The following VASH1 variants were observed in gnomAD, a reference collection of about 807,000 sequenced individuals.
VASH1 encodes tubulinyl-Tyr carboxypeptidase 1.
VASH1 carries 16 observed loss-of-function variants against 35.0 expected under a neutral mutation model. The ratio of observed to expected loss-of-function variants is 0.46; its 90% CI spans 0.31 to 0.70. The LOEUF (loss-of-function observed/expected upper bound fraction) is 0.70, where lower values mean the gene tolerates loss of function less well. Among genes scored for constraint, VASH1 ranks in the 30% least tolerant of loss-of-function variants. The pLI is 0.05. For missense variants in VASH1, 505 were observed against 510.7 expected (o/e 0.99, Z 0.11); for synonymous variants, 214 against 200.9 (o/e 1.07, Z -0.55).
In VASH1 at chr14:76,769,986, G is replaced by T. The variant is rs781450142; in HGVS notation, c.333G>T (p.Thr111=). 3.7e-6 allele frequency: 6 copies of T among 1,613,948 alleles called. No homozygotes were observed. The Admixed American group carries it at 1.0e-4, about 27-fold the overall frequency. The change falls in exon 2 of 7, where the codon ACG becomes ACT. Residue 111 remains threonine, a synonymous_variant. Coordinates refer to ENST00000167106, the MANE Select transcript of VASH1 (RefSeq NM_014909.5). ...AGATCCCCATACCGAGTGTGCCTAC[G>T]TTCCAGCCGTCTACACCTGTCCCTG... is the stretch of plus-strand genomic sequence containing the variant. The part of the protein sequence containing the change: ...LPKIPIPSVP[T]FQPSTPVPER...
chr14:76,773,528 AC>A, intron 4 of VASH1: 1 of 429,804 alleles, frequency 2.3e-6, no homozygotes. Context: ...AGACAGTTGT[AC>A]CATTTCCAAG....
intron 1 of VASH1, chr14:76,769,577 C>A: frequency 1.0e-6 from 1 of 993,438 alleles, no homozygotes; most frequent in South Asian, 1.5e-5. Flanking sequence ...TGATCCGGCG[C>A]TTGAACCAGA....
chr14:76,763,204 ACT>A (rs1893552385), intron 1 of VASH1, 74 bp downstream of exon 1: 1 of 1,313,094 alleles, frequency 7.6e-7, no homozygotes, highest in Non-Finnish European at 9.8e-7. Flanking sequence ...GTGAAGCCAC[ACT>A]CTCCTCCCAC....
In VASH1 at chr14:76,763,013, G is replaced by T. The variant is rs758598707; in HGVS notation, c.192G>T (p.Arg64=). ...RDGGVPFFVN[R]GGLPVDEATW... Reference sequence around the variant, plus strand: ...GAGGCGTCCCCTTCTTTGTCAACCGGGGTGGGCTACCTGTGGATGAGGCCA... The same window carrying T: ...GAGGCGTCCCCTTCTTTGTCAACCGTGGTGGGCTACCTGTGGATGAGGCCA... Residue 64 remains arginine (R), a synonymous_variant, in exon 1 of 7, where the codon CGG becomes CGT. Coordinates refer to ENST00000167106, the MANE Select transcript of VASH1 (RefSeq NM_014909.5). 15 of 1,549,190 alleles carry T rather than the reference G, an allele frequency of 9.7e-6. No homozygotes were observed. In the East Asian group the frequency reaches 3.2e-4, roughly 33 times the overall value.
chr14:76,778,944 A>G lies in VASH1; in HGVS notation c.1026-2A>G. 6.2e-7 allele frequency: 1 copy of G among 1,614,018 alleles called. No individual in the cohort carries two copies. The highest frequency in any genetic ancestry group is 8.5e-7 in the Non-Finnish European group (1 of 1,179,920). On this transcript the variant is annotated splice_acceptor_variant, in intron 6 of 6. Coordinates refer to ENST00000167106, the MANE Select transcript of VASH1 (RefSeq NM_014909.5). LOFTEE classifies it high-confidence loss of function. ...TCCCGCTCTGCTCTCTTCCTCCCAC[A>G]GGCCCTCGGGTGACAAGAAGACTTC...
chr14:76,776,519 G>A (rs1446567992), intron 5 of VASH1, among the ~76,000 whole-genome samples: 1 of 152,144 alleles, frequency 6.6e-6, no homozygotes, highest in Non-Finnish European at 1.5e-5. Flanking sequence ...GTCACTGGTG[G>A]AGAATCACGG....
At chr14:76,767,683 T>C (rs1434700263) in intron 1 of VASH1, among the ~76,000 whole-genome samples, 2 of 152,234 alleles carry the variant, frequency 1.3e-5, no homozygotes, top group Non-Finnish European at 2.9e-5. Context: ...TTTGCATATA[T>C]AGAATCTTTC....
chr14:76,770,040 CAG>C lies in VASH1; in HGVS notation c.392_393del (p.Glu131AlafsTer12). 1 of 1,613,694 alleles carries C rather than the reference CAG, an allele frequency of 6.2e-7. No homozygotes were observed. Among genetic ancestry groups the C allele is most frequent in the South Asian group, 1.1e-5 (1 of 91,064 alleles). On this transcript the variant is annotated frameshift_variant, in exon 2 of 7. Coordinates refer to ENST00000167106, the MANE Select transcript of VASH1 (RefSeq NM_014909.5). LOFTEE classifies it high-confidence loss of function. Reference sequence around the variant, plus strand: ...GCCTGGAAGCTGTGCAGCGCTACATCAGAGAGCTGCAGTATCCTCTCTGGTCA... The same window carrying C: ...GCCTGGAAGCTGTGCAGCGCTACATCAGAGCTGCAGTATCCTCTCTGGTCA... ...ERLEAVQRYIRELQYNHTGTQ... is the reference protein window; with the variant it reads ...ERLEAVQRYIXELQYNHTGTQ...
chr14:76,774,546 C>G (rs1893880422), intron 4 of VASH1: 1 of 152,272 alleles, frequency 6.6e-6, no homozygotes, highest in African/African-American at 2.4e-5. Flanking sequence ...TCAGGGGTCA[C>G]CTGGTGGCTT....
At position 76,781,110 on chromosome 14, in the gene VASH1, G is replaced by A. The variant is rs1216168019; in HGVS notation, c.*2092G>A. 1 of 152,454 alleles carries A rather than the reference G, an allele frequency of 6.6e-6. No individual in the cohort carries two copies. Among genetic ancestry groups the A allele is most frequent in the Non-Finnish European group, 1.5e-5 (1 of 68,128 alleles). The allele number at this position is 152,454 out of a possible 1,614,324, so 9.4% of individuals were successfully genotyped here. A position where few individuals can be genotyped will look rare whatever the true frequency, so the allele number is the denominator to read the frequency against. On this transcript the variant is annotated 3_prime_UTR_variant, in exon 7 of 7. Coordinates refer to ENST00000167106, the MANE Select transcript of VASH1 (RefSeq NM_014909.5). The stretch of plus-strand genomic sequence containing the variant: ...CAGGGATGCCTTTGCTGATGAGAGT[G>A]CCTGTCAGGGAAGGCGCCACAGGCT...
At chr14:76,773,474 G>A in intron 4 of VASH1, 3 of 511,266 alleles carry the variant, frequency 5.9e-6, no homozygotes, top group Non-Finnish European at 1.0e-5. Context: ...CGTGGATACA[G>A]GGACCGTTTT....
chr14:76,768,749 T>A (rs1031622536), intron 1 of VASH1, among the ~76,000 whole-genome samples: 3 of 151,920 alleles, frequency 2.0e-5, no homozygotes, highest in African/African-American at 7.3e-5. Context: ...CCTACCCCCT[T>A]CCCTTCACAC....
chr14:76,769,250 G>A (rs534708561), intron 1 of VASH1: 2 of 1,266,072 alleles, frequency 1.6e-6, no homozygotes, highest in Non-Finnish European at 2.1e-6. Context: ...GTTCTGGGGA[G>A]GAAGACTGTC....
intron 1 of VASH1, among the ~76,000 whole-genome samples, chr14:76,767,287 A>AAATAAATAAAT (rs1566682341): frequency 2.0e-5 from 2 of 102,056 alleles, no homozygotes; most frequent in Non-Finnish European, 4.4e-5. Context: ...AATAAATAAA[A>AAATAAATAAAT]AGTCACGACT....
At chr14:76,767,198 T>C (rs1230590893) in intron 1 of VASH1, among the ~76,000 whole-genome samples, 2 of 151,780 alleles carry the variant, frequency 1.3e-5, no homozygotes, top group Admixed American at 6.6e-5. Context: ...TGAGCCGAAG[T>C]TGAGCCACTG....
intron 4 of VASH1, 57 bp downstream of exon 4, chr14:76,773,268 G>T: frequency 1.9e-6 from 3 of 1,570,590 alleles, no homozygotes; most frequent in Non-Finnish European, 2.6e-6. Flanking sequence ...TCAGCTTCCT[G>T]CTCTGAAAGT....
chr14:76,765,225 T>G (rs1219231380), intron 1 of VASH1, among the ~76,000 whole-genome samples: 2 of 152,136 alleles, frequency 1.3e-5, no homozygotes, highest in Non-Finnish European at 2.9e-5. Flanking sequence ...CACTAGTAAC[T>G]GGTCTGTAAT....
At chr14:76,775,557 G>A (rs1351441003) in intron 4 of VASH1, among the ~76,000 whole-genome samples, 2 of 152,166 alleles carry the variant, frequency 1.3e-5, no homozygotes, top group African/African-American at 4.8e-5. Flanking sequence ...GTGAGGCAGG[G>A]GAGGGAAGGC....
chr14:76,769,276 C>T (rs1287690234), intron 1 of VASH1: 7 of 1,284,648 alleles, frequency 5.4e-6, no homozygotes, highest in Non-Finnish European at 7.1e-6. Context: ...ACCTGGAAAC[C>T]TGTACTGACT....
Sources: gnomAD v4.1 joint callset for allele counts (sites outside exome capture counted in the v4.1 genomes callset) on GRCh38, gnomAD v4.1.1 for gene constraint, MANE v1.5 for transcripts, NCBI Gene and HGNC (gene_info 2026-07-23, HGNC 2026-07-21) for gene names.